The following FGF1 variants were observed in gnomAD, a reference collection of about 807,000 sequenced individuals.
FGF1 encodes the protein fibroblast growth factor 1, also known as beta-endothelial cell growth factor.
Under a neutral mutation model 13.4 loss-of-function variants are expected in FGF1, and 9 were observed. The ratio of observed to expected loss-of-function variants is 0.67; its 90% CI spans 0.40 to 1.17. FGF1 has a LOEUF of 1.17. Among genes scored for constraint, FGF1 ranks in the 50% most tolerant of loss-of-function variants. FGF1 has a pLI of 0.01. For synonymous variants in FGF1, 93 were observed against 79.0 expected (o/e 1.18, Z -0.94); for missense variants, 156 against 192.7 (o/e 0.81, Z 1.13).
At chr5:142,609,825 T>A (rs1019939053) in intron 2 of FGF1, among the ~76,000 whole-genome samples, 1 of 152,250 alleles carries the variant, frequency 6.6e-6, no homozygotes, top group Non-Finnish European at 1.5e-5. Flanking sequence ...GAGTGGGTGC[T>A]GTTGTCATTC....
intron 1 of FGF1, among the ~76,000 whole-genome samples, chr5:142,648,433 C>T (rs1766585648): frequency 6.6e-6 from 1 of 151,050 alleles, no homozygotes; most frequent in African/African-American, 2.4e-5. Context: ...TGCATGTTCT[C>T]ACTCATAAGT....
At chr5:142,642,767 A>G (rs2151953476) in intron 1 of FGF1, among the ~76,000 whole-genome samples, 1 of 152,322 alleles carries the variant, frequency 6.6e-6, no homozygotes. Flanking sequence ...GCTTTTTGAA[A>G]TATGTTTGGC....
intron 1 of FGF1, among the ~76,000 whole-genome samples, chr5:142,627,643 C>T (rs1032671714): frequency 2.6e-5 from 4 of 152,172 alleles, no homozygotes; most frequent in African/African-American, 9.6e-5. Context: ...ATGCCCCAAG[C>T]ACCACGCAGG....
chr5:142,596,887 T>A (rs1755398044), intron 3 of FGF1, among the ~76,000 whole-genome samples: 1 of 152,154 alleles, frequency 6.6e-6, no homozygotes, highest in African/African-American at 2.4e-5. Flanking sequence ...CTGCCTTACA[T>A]CTCTTTATGT....
At chr5:142,651,122 A>G (rs1767159652) in intron 1 of FGF1, among the ~76,000 whole-genome samples, 1 of 151,940 alleles carries the variant, frequency 6.6e-6, no homozygotes, top group African/African-American at 2.4e-5. Context: ...CTGCCTGAGT[A>G]CCGAGAAGGG....
chr5:142,652,384 G>A (rs1233146810), intron 1 of FGF1, among the ~76,000 whole-genome samples: 1 of 152,150 alleles, frequency 6.6e-6, no homozygotes, highest in East Asian at 1.9e-4. Context: ...TAGTGCTATG[G>A]GGCAGGTGAG....
chr5:142,647,571 C>T (rs555252450), intron 1 of FGF1, among the ~76,000 whole-genome samples: 83 of 152,314 alleles, frequency 5.4e-4, no homozygotes, highest in African/African-American at 1.9e-3. Flanking sequence ...GTAGACCACT[C>T]CACTCCTACC....
chr5:142,663,300 T>C (rs1333940448), intron 1 of FGF1, among the ~76,000 whole-genome samples: 2 of 152,060 alleles, frequency 1.3e-5, no homozygotes, highest in Non-Finnish European at 2.9e-5. Context: ...AGAACGATTT[T>C]ACCAGTTAGG....
chr5:142,669,671 G>T (rs775491446), intron 1 of FGF1, among the ~76,000 whole-genome samples: 1 of 152,076 alleles, frequency 6.6e-6, no homozygotes, highest in African/African-American at 2.4e-5. Context: ...GGCGTGTCGC[G>T]GCTGAGGTGA....
upstream of FGF1, among the ~76,000 whole-genome samples, chr5:142,687,775 G>T (rs114109679): frequency 1.3e-3 from 193 of 152,266 alleles, no homozygotes; most frequent in African/African-American, 4.4e-3. Context: ...CACTCAGGTG[G>T]TACCCTTAGT....
intron 2 of FGF1, among the ~76,000 whole-genome samples, chr5:142,697,391 C>A (rs1360128358): frequency 6.6e-6 from 1 of 152,150 alleles, no homozygotes; most frequent in Non-Finnish European, 1.5e-5. Flanking sequence ...CCACTAAGAA[C>A]CAGACCTACC....
chr5:142,642,912 A>G (rs1400869683), intron 1 of FGF1, among the ~76,000 whole-genome samples: 1 of 152,242 alleles, frequency 6.6e-6, no homozygotes, highest in Non-Finnish European at 1.5e-5. Context: ...AATGCCATGC[A>G]TAGCCTAGAG....
intron 1 of FGF1, among the ~76,000 whole-genome samples, chr5:142,672,724 C>G (rs1034595293): frequency 6.6e-6 from 1 of 152,102 alleles, no homozygotes; most frequent in Non-Finnish European, 1.5e-5. Context: ...AGGCTCGTCT[C>G]GAACTCCTGA....
Position 142,694,133 on chromosome 5 carries a change from ATC to A in FGF1, c.-35+3487_-35+3488del, listed in dbSNP as rs1408833643. 4.1e-5 allele frequency among the ~76,000 whole-genome samples: 6 copies of A among 146,314 alleles called. No homozygotes were observed. The East Asian group carries it at 9.9e-4, about 24-fold the overall frequency. On this transcript the variant is annotated intron_variant, in intron 2 of 4. Coordinates refer to the FGF1 transcript ENST00000407758. ...TATCTATCTATCTATCTATCTATCTATCTATGTCTATCTGCCTCTCTGTATAT... is the reference window on the plus strand; with the variant it reads ...TATCTATCTATCTATCTATCTATCTATATGTCTATCTGCCTCTCTGTATAT...
chr5:142,606,929 G>A (rs1040333139), intron 2 of FGF1, among the ~76,000 whole-genome samples: 6 of 152,158 alleles, frequency 3.9e-5, no homozygotes, highest in African/African-American at 1.4e-4. Flanking sequence ...TACTACGTAT[G>A]CATGAACTAT....
At chr5:142,659,859 A>T (rs1222338132) in intron 1 of FGF1, among the ~76,000 whole-genome samples, 2 of 152,224 alleles carry the variant, frequency 1.3e-5, no homozygotes, top group Non-Finnish European at 2.9e-5. Context: ...CAAAGATGAC[A>T]GGGAACATGC....
chr5:142,674,894 G>C (rs1313301330), intron 1 of FGF1, among the ~76,000 whole-genome samples: 1 of 152,144 alleles, frequency 6.6e-6, no homozygotes, highest in African/African-American at 2.4e-5. Context: ...TGGAGGGAAC[G>C]AGAAGCCATA....
intron 1 of FGF1, among the ~76,000 whole-genome samples, chr5:142,629,862 A>G (rs1369869697): frequency 7.0e-6 from 1 of 142,186 alleles, no homozygotes; most frequent in Non-Finnish European, 1.5e-5. Context: ...ATATGATATT[A>G]TATATACATA....
intron 1 of FGF1, among the ~76,000 whole-genome samples, chr5:142,665,473 C>T (rs1770126426): frequency 6.6e-6 from 1 of 152,130 alleles, no homozygotes; most frequent in African/African-American, 2.4e-5. Flanking sequence ...CTGGGATTTT[C>T]TCAAGCAATG....
Sources: allele counts gnomAD v4.1 joint callset (sites outside exome capture counted in the v4.1 genomes callset), GRCh38; gene constraint gnomAD v4.1.1; transcripts MANE v1.5; gene names NCBI Gene and HGNC (gene_info 2026-07-23, HGNC 2026-07-21).